The following FBXL17 variants were observed in gnomAD, a reference collection of about 807,000 sequenced individuals.
FBXL17 encodes the protein F-box and leucine rich repeat protein 17.
In FBXL17, 22 loss-of-function variants were observed where a neutral mutation model predicts 66.2. That is an observed-to-expected ratio of 0.33 (90% CI 0.24 to 0.47). FBXL17 has a LOEUF of 0.47. FBXL17 is among the 20% of genes least tolerant of loss of function. The pLI, the probability that FBXL17 is intolerant of heterozygous loss-of-function variation, is 1.00. For missense variants in FBXL17, 878 were observed against 948.2 expected (o/e 0.93, Z 0.97); for synonymous variants, 474 against 400.5 (o/e 1.18, Z -2.19).
chr5:108,128,137 T>C (rs1025276938), intron 6 of FBXL17, among the ~76,000 whole-genome samples: 2 of 151,642 alleles, frequency 1.3e-5, no homozygotes, highest in Non-Finnish European at 2.9e-5. Context: ...TCCTAGCTAC[T>C]GGGGAGGATG....
chr5:107,911,242 A>G (rs1458877503), intron 7 of FBXL17, among the ~76,000 whole-genome samples: 1 of 152,102 alleles, frequency 6.6e-6, no homozygotes, highest in Admixed American at 6.6e-5. Context: ...ATATATGAAA[A>G]TTTTTATAAG....
intron 7 of FBXL17, among the ~76,000 whole-genome samples, chr5:107,937,381 G>A (rs1750944244): frequency 6.6e-6 from 1 of 152,100 alleles, no homozygotes; most frequent in Non-Finnish European, 1.5e-5. Context: ...TGTCCTCTGG[G>A]AAACTCCACT....
At chr5:108,305,879 T>C (rs1399248432) in intron 4 of FBXL17, among the ~76,000 whole-genome samples, 1 of 152,092 alleles carries the variant, frequency 6.6e-6, no homozygotes, top group East Asian at 1.9e-4. Flanking sequence ...CATAAAACAA[T>C]GTTTACCCTT....
intron 5 of FBXL17, among the ~76,000 whole-genome samples, chr5:108,213,194 G>T (rs1223954852): frequency 6.6e-6 from 1 of 152,140 alleles, no homozygotes; most frequent in East Asian, 1.9e-4. Flanking sequence ...CTGACAGTGA[G>T]AATTTCAAGT....
intron 8 of FBXL17, chr5:107,879,684 T>C: frequency 1.0e-6 from 1 of 985,492 alleles, no homozygotes; most frequent in Non-Finnish European, 1.2e-6. Flanking sequence ...AGAAGATGCA[T>C]GCCCTTTGAA....
chr5:108,181,121 T>C (rs140221111), intron 6 of FBXL17, among the ~76,000 whole-genome samples: 60 of 152,296 alleles, frequency 3.9e-4, no homozygotes, highest in African/African-American at 1.4e-3. Flanking sequence ...TTTTTACACA[T>C]CAGCTGTTAC....
intron 6 of FBXL17, among the ~76,000 whole-genome samples, chr5:108,092,289 G>A (rs1380366735): frequency 6.6e-6 from 1 of 152,128 alleles, no homozygotes; most frequent in East Asian, 1.9e-4. Context: ...AGAGAGTGAG[G>A]CTGGAGCTGA....
chr5:108,073,991 C>G (rs949637641), intron 6 of FBXL17, among the ~76,000 whole-genome samples: 2 of 152,212 alleles, frequency 1.3e-5, no homozygotes, highest in Non-Finnish European at 2.9e-5. Context: ...GACTAACACA[C>G]TGGCCAAGGC....
At chr5:107,929,302 TG>T (rs1406945668) in intron 7 of FBXL17, among the ~76,000 whole-genome samples, 3 of 152,170 alleles carry the variant, frequency 2.0e-5, no homozygotes, top group Non-Finnish European at 4.4e-5. Context: ...GTTTCAGATT[TG>T]TCCTGATGCT....
At chr5:108,096,155 C>G (rs891194488) in intron 6 of FBXL17, among the ~76,000 whole-genome samples, 3 of 152,136 alleles carry the variant, frequency 2.0e-5, no homozygotes, top group African/African-American at 7.2e-5. Context: ...TGATTTTGTT[C>G]ATAAATGTTA....
rs1235264006 is a variant in FBXL17 at position 108,381,158 on chromosome 5, G to A, written c.534C>T (p.Leu178=). The change falls in exon 1 of 9, where the codon CTC becomes CTT. Residue 178 remains leucine, a synonymous_variant. Coordinates refer to ENST00000542267, the MANE Select transcript of FBXL17 (RefSeq NM_001163315.3). ...CCGGTGACGGTGTCGGCCCCCGGAA[G>A]AGCTGCACGGCGGCGGGCGGCCCCA... ...RFLGPPAAVQ[L]FRGPTPSPAE... 2.1e-5 allele frequency: 30 copies of A among 1,419,292 alleles called. No individual in the cohort carries two copies. The East Asian group carries it at 4.0e-4, about 19-fold the overall frequency. 87.9% of individuals were successfully genotyped at this position (1,419,292 alleles called of 1,614,324 possible).
At chr5:108,323,224 A>G (rs1306066081) in intron 4 of FBXL17, among the ~76,000 whole-genome samples, 1 of 151,930 alleles carries the variant, frequency 6.6e-6, no homozygotes, top group Non-Finnish European at 1.5e-5. Context: ...TCCACATACA[A>G]AAGAACTATT....
Position 108,308,261 on chromosome 5 carries a change from A to G in FBXL17, c.1506+40138T>C, listed in dbSNP as rs6878681. Among the ~76,000 whole-genome samples, 1,262 of 152,228 alleles carry G rather than the reference A, an allele frequency of 8.3e-3. 18 individuals carry two copies. Among genetic ancestry groups the G allele is most frequent in the African/African-American group, 0.027 (1,138 of 41,544 alleles). ...AATAATAGTAGTAGAAATAACAATAACAAGTAATGGTGGTTTTCATTTTTT... is the reference window on the plus strand; with the variant it reads ...AATAATAGTAGTAGAAATAACAATAGCAAGTAATGGTGGTTTTCATTTTTT... On this transcript the variant is annotated intron_variant, in intron 4 of 8. Transcript: ENST00000542267.
chr5:107,933,878 A>G (rs1750810733), intron 7 of FBXL17, among the ~76,000 whole-genome samples: 1 of 152,140 alleles, frequency 6.6e-6, no homozygotes, highest in Non-Finnish European at 1.5e-5. Context: ...GAAGGAAAGG[A>G]TGTGAACTCA....
intron 6 of FBXL17, among the ~76,000 whole-genome samples, chr5:108,099,911 G>A (rs947262565): frequency 5.9e-5 from 9 of 152,118 alleles, no homozygotes; most frequent in Non-Finnish European, 1.2e-4. Flanking sequence ...ATAACCATAA[G>A]AATCCAACCA....
intron 6 of FBXL17, among the ~76,000 whole-genome samples, chr5:108,079,536 T>C (rs569985915): frequency 6.6e-6 from 1 of 152,300 alleles, no homozygotes; most frequent in African/African-American, 2.4e-5. Context: ...TTTACATATG[T>C]TTTAATCCTC....
chr5:107,946,258 TATATATATATATATATATATATATA>T (rs1751278721), intron 7 of FBXL17, among the ~76,000 whole-genome samples: 7 of 22,002 alleles, frequency 3.2e-4, no homozygotes, highest in Admixed American at 4.3e-4. Context: ...TCTCATTTTA[TATATATATATATATATATATATATA>T]TATATATATA....
At chr5:108,245,160 ACC>A (rs1330597654) in intron 4 of FBXL17, among the ~76,000 whole-genome samples, 25 of 152,298 alleles carry the variant, frequency 1.6e-4, no homozygotes, top group African/African-American at 5.3e-4. Context: ...CAAAGAACAT[ACC>A]CATCCCTGGA....
intron 7 of FBXL17, among the ~76,000 whole-genome samples, chr5:108,012,420 A>AT (rs1160086428): frequency 6.6e-6 from 1 of 152,184 alleles, no homozygotes; most frequent in Non-Finnish European, 1.5e-5. Context: ...AATTAAACCT[A>AT]TTAAGTTCTA....
Sources: allele counts gnomAD v4.1 joint callset (sites outside exome capture counted in the v4.1 genomes callset), GRCh38; gene constraint gnomAD v4.1.1; transcripts MANE v1.5; gene names NCBI Gene and HGNC (gene_info 2026-07-23, HGNC 2026-07-21).